Variants in CORO2B observed in about 807,000 individuals in gnomAD.
CORO2B encodes coronin 2B, also known as coronin-2B.
Under a neutral mutation model 58.8 loss-of-function variants are expected in CORO2B, and 26 were observed. The observed-to-expected ratio is 0.44, with a 90% CI of 0.32 to 0.61. The LOEUF (loss-of-function observed/expected upper bound fraction) is 0.61, where lower values mean the gene tolerates loss of function less well. CORO2B is among the 20% of genes least tolerant of loss of function. CORO2B has a pLI of 0.04. For missense variants in CORO2B, 460 were observed against 645.1 expected (o/e 0.71, Z 3.11); for synonymous variants, 242 against 253.8 (o/e 0.95, Z 0.44).
chr15:68,653,272 C>T (rs893412023), intron 2 of CORO2B, among the ~76,000 whole-genome samples: 6 of 152,076 alleles, frequency 3.9e-5, no homozygotes, highest in South Asian at 4.1e-4. Context: ...GTTCCTGGAC[C>T]GAAAAGGAAG....
upstream of CORO2B, among the ~76,000 whole-genome samples, chr15:68,578,164 C>G (rs1480094462): frequency 6.6e-6 from 1 of 152,148 alleles, no homozygotes; most frequent in East Asian, 1.9e-4. The surrounding 1 kb of genome is among the most constrained non-coding windows in gnomAD (Gnocchi z 4.2). Flanking sequence ...CACTGTGCCC[C>G]GAGTCAGGAT....
chr15:68,704,658 C>T (rs1173577183), intron 3 of CORO2B, among the ~76,000 whole-genome samples: 1 of 152,122 alleles, frequency 6.6e-6, no homozygotes, highest in Admixed American at 6.6e-5. Flanking sequence ...GCCTCCCCAA[C>T]AAGACTGACA....
At chr15:68,624,399 A>G (rs1030018685) in intron 1 of CORO2B, among the ~76,000 whole-genome samples, 6 of 152,128 alleles carry the variant, frequency 3.9e-5, no homozygotes, top group African/African-American at 1.4e-4. Context: ...AACAACAAAA[A>G]TGATATTAGA....
chr15:68,704,236 T>C (rs1281443839), intron 3 of CORO2B, among the ~76,000 whole-genome samples: 1 of 149,314 alleles, frequency 6.7e-6, no homozygotes, highest in Non-Finnish European at 1.5e-5. Context: ...CAAGACCGTG[T>C]CTGAAAAAAA....
At chr15:68,569,363 A>G in the CORO2B span, among the ~76,000 whole-genome samples, 10 of 152,092 alleles carry the variant, frequency 6.6e-5, no homozygotes, top group Non-Finnish European at 1.2e-4. Context: ...CTTTTCCACA[A>G]TGTCATCTAG....
At chr15:68,551,937 C>G in the CORO2B span, among the ~76,000 whole-genome samples, 1 of 151,120 alleles carries the variant, frequency 6.6e-6, no homozygotes, top group Non-Finnish European at 1.5e-5. Context: ...CATCAAGACC[C>G]AGACATGGCA....
the CORO2B span, among the ~76,000 whole-genome samples, chr15:68,569,598 A>T: frequency 6.6e-6 from 1 of 152,246 alleles, no homozygotes; most frequent in African/African-American, 2.4e-5. Flanking sequence ...TACTGAAAAC[A>T]TCTGTGTGCT....
At chr15:68,703,968 C>T (rs773567356) in intron 3 of CORO2B, among the ~76,000 whole-genome samples, 5 of 151,562 alleles carry the variant, frequency 3.3e-5, no homozygotes, top group Non-Finnish European at 4.4e-5. Flanking sequence ...CAGAGGTGGG[C>T]AGATCACTTG....
chr15:68,706,690 G>A (rs777288561), intron 3 of CORO2B, among the ~76,000 whole-genome samples: 4 of 152,084 alleles, frequency 2.6e-5, no homozygotes, highest in African/African-American at 9.7e-5. Context: ...CGGTAGACAT[G>A]AGAAAAGATG....
intron 1 of CORO2B, among the ~76,000 whole-genome samples, chr15:68,607,125 G>T (rs1595964631): frequency 6.6e-6 from 1 of 152,190 alleles, no homozygotes; most frequent in Non-Finnish European, 1.5e-5. Context: ...TGTGGGCCAG[G>T]CACAGAGGGG....
chr15:68,602,523 G>A (rs866890270), intron 1 of CORO2B, among the ~76,000 whole-genome samples: 2 of 151,870 alleles, frequency 1.3e-5, no homozygotes, highest in African/African-American at 4.8e-5. Context: ...AGCAAAAAGC[G>A]CTCTTGCTGT....
At chr15:68,669,694 A>G (rs1902319840) in intron 2 of CORO2B, among the ~76,000 whole-genome samples, 1 of 152,236 alleles carries the variant, frequency 6.6e-6, no homozygotes. Context: ...GGGCTCAACA[A>G]AGAAACCCCT....
chr15:68,568,830 C>G, the CORO2B span, among the ~76,000 whole-genome samples: 2 of 152,074 alleles, frequency 1.3e-5, no homozygotes, highest in Admixed American at 6.5e-5. Context: ...GCCTGCCAGC[C>G]AGGAAGGGGA....
At chr15:68,606,088 G>T (rs1433586042) in intron 1 of CORO2B, among the ~76,000 whole-genome samples, 1 of 152,072 alleles carries the variant, frequency 6.6e-6, no homozygotes, top group African/African-American at 2.4e-5. Context: ...AGTCATGGTG[G>T]CAGAGAAGCA....
chr15:68,703,122 A>G (rs1310463708), intron 3 of CORO2B, among the ~76,000 whole-genome samples: 1 of 147,450 alleles, frequency 6.8e-6, no homozygotes. Context: ...CATTGTGCCC[A>G]GCCCAGAAAC....
chr15:68,654,090 A>G (rs1002748448), intron 2 of CORO2B, among the ~76,000 whole-genome samples: 6 of 152,364 alleles, frequency 3.9e-5, no homozygotes, highest in East Asian at 3.9e-4. Flanking sequence ...TCTCAAAGAG[A>G]AAAGTCGCAA....
At chr15:68,570,825 T>TTTAGG in the CORO2B span, among the ~76,000 whole-genome samples, 1 of 147,590 alleles carries the variant, frequency 6.8e-6, no homozygotes. Context: ...TTTTTTTTTT[T>TTTAGG]AGAGACTGGG....
chr15:68,605,086 T>C (rs1900074419), intron 1 of CORO2B, among the ~76,000 whole-genome samples: 1 of 150,134 alleles, frequency 6.7e-6, no homozygotes, highest in Non-Finnish European at 1.5e-5. Context: ...TACACTCCAG[T>C]CTGGGCAACA....
the CORO2B span, among the ~76,000 whole-genome samples, chr15:68,539,640 G>C: frequency 1.3e-5 from 2 of 152,104 alleles, no homozygotes; most frequent in Non-Finnish European, 2.9e-5. Context: ...GAGTCTGCCA[G>C]GGTGACAGAG....
Sources: gnomAD v4.1 joint callset for allele counts (sites outside exome capture counted in the v4.1 genomes callset) on GRCh38, gnomAD v4.1.1 for gene constraint, Gnocchi (gnomAD v3.1) non-coding constraint, MANE v1.5 for transcripts, NCBI Gene and HGNC (gene_info 2026-07-23, HGNC 2026-07-21) for gene names.